The following CTCF variants were observed in gnomAD, a reference collection of about 807,000 sequenced individuals.
The protein encoded by CTCF is transcriptional repressor CTCF.
In CTCF, 7 loss-of-function variants were observed where a neutral mutation model predicts 72.3. The ratio of observed to expected loss-of-function variants is 0.10; its 90% confidence interval spans 0.06 to 0.18. CTCF has a LOEUF of 0.18. Ranked by LOEUF, CTCF falls within the 10% of genes least tolerant of loss-of-function variation. CTCF has a pLI of 1.00. For synonymous variants in CTCF, 374 were observed against 315.8 expected, an observed-to-expected ratio of 1.18 and a Z score of -1.95; for missense variants, 516 against 949.1, an observed-to-expected ratio of 0.54 and a Z score of 6.00.
intron 2 of CTCF, among the ~76,000 whole-genome samples, chr16:67,588,963 T>C (rs1597693714): frequency 1.3e-5 from 2 of 151,930 alleles, no homozygotes; most frequent in Admixed American, 6.6e-5. Context: ...CATGCTGGGA[T>C]TACAGGCGTG....
intron 1 of CTCF, among the ~76,000 whole-genome samples, chr16:67,567,247 G>A (rs1301261448): frequency 6.6e-6 from 1 of 152,146 alleles, no homozygotes; most frequent in East Asian, 1.9e-4. Context: ...CAAAGTTGTG[G>A]CATTGCATAT....
At chr16:67,616,418 C>T (rs936513968) in intron 4 of CTCF, 1 of 221,606 alleles carries the variant, frequency 4.5e-6, no homozygotes, top group South Asian at 7.9e-5. Flanking sequence ...GCCACCAAGC[C>T]CGGTCTCTAT....
chr16:67,629,468 C>T lies in CTCF; in HGVS notation c.1772C>T (p.Thr591Met), dbSNP rs139828150. ...DGVEGENGGE[T>M]KKSKRGRKRK... ...GTAGAGGGGGAAAATGGAGGAGAAA[C>T]GAAGAAGAGTAAACGTGGAAGAAAA... The change falls in exon 10 of 12, where the codon ACG becomes ATG. Residue 591 changes from threonine (T) to methionine (M), a missense_variant. This residue lies in a region of CTCF where 157 missense variants were observed against 172.9 expected (regional missense o/e 0.91). Coordinates refer to ENST00000264010, the MANE Select transcript of CTCF (RefSeq NM_006565.4). 26 of 1,612,456 alleles carry T rather than the reference C, an allele frequency of 1.6e-5. 1 individual carries two copies. Among genetic ancestry groups the T allele is most frequent in the African/African-American group, 2.7e-5 (2 of 74,672 alleles).
intron 4 of CTCF, among the ~76,000 whole-genome samples, chr16:67,613,436 A>G (rs2052086832): frequency 6.6e-6 from 1 of 152,118 alleles, no homozygotes; most frequent in Admixed American, 6.6e-5. Context: ...CCTAATTTCT[A>G]CTCAGACACT....
In CTCF at chr16:67,611,475, A is replaced by G. The variant is rs749044800; in HGVS notation, c.643A>G (p.Thr215Ala). ...KKTKKSKLRY[T>A]EEGKDVDVSV... ...AACCAAAAAGAGCAAACTGCGTTAT[A>G]CAGAGGAGGGCAAAGATGTAGATGT... is the stretch of plus-strand genomic sequence containing the variant. Residue 215 changes from threonine to alanine, a missense_variant, in exon 3 of 12, where the codon ACA (threonine) becomes GCA (alanine). By Grantham distance (58) the Thr-to-Ala change is moderately conservative. This residue lies in a region of CTCF where 53 missense variants were observed against 63.6 expected (regional missense o/e 0.83). Coordinates refer to ENST00000264010, the MANE Select transcript of CTCF (RefSeq NM_006565.4). 1.3e-5 allele frequency: 21 copies of G among 1,614,080 alleles called. No homozygotes were observed. The highest frequency in any genetic ancestry group is 1.8e-5 in the Non-Finnish European group (21 of 1,180,044).
intron 2 of CTCF, among the ~76,000 whole-genome samples, chr16:67,579,007 C>A (rs752069343): frequency 6.6e-6 from 1 of 151,658 alleles, no homozygotes; most frequent in East Asian, 2.0e-4. Context: ...GTAATCCCAG[C>A]ACTTTGGGAG....
At chr16:67,567,494 A>G (rs758047842) in intron 1 of CTCF, among the ~76,000 whole-genome samples, 1 of 152,226 alleles carries the variant, frequency 6.6e-6, no homozygotes, top group African/African-American at 2.4e-5. Context: ...TCATCTAAGT[A>G]TTAGTGAGTT....
chr16:67,620,503 C>G (rs1282703228), intron 5 of CTCF, among the ~76,000 whole-genome samples, 194 bp from the exon 6 acceptor site: 1 of 152,120 alleles, frequency 6.6e-6, no homozygotes, highest in Non-Finnish European at 1.5e-5. Flanking sequence ...TATTCATTTA[C>G]CCACTTCTCT....
chr16:67,631,246 A>C (rs1414385577), intron 10 of CTCF, among the ~76,000 whole-genome samples: 3 of 147,312 alleles, frequency 2.0e-5, no homozygotes, highest in Admixed American at 2.0e-4. Context: ...GCTCACTGCA[A>C]CCTCCACCTT....
At chr16:67,574,280 C>T (rs1441656833) in intron 2 of CTCF, among the ~76,000 whole-genome samples, 1 of 152,140 alleles carries the variant, frequency 6.6e-6, no homozygotes, top group African/African-American at 2.4e-5. Context: ...CATTAGTTTG[C>T]TAAAGCAGTT....
chr16:67,621,635 G>T, intron 7 of CTCF, 44 bp downstream of exon 7: 1 of 1,452,208 alleles, frequency 6.9e-7, no homozygotes, highest in Non-Finnish European at 9.5e-7. Context: ...TATTTTGAAG[G>T]ATTTATATTT....
rs1405456959 is a variant in CTCF at position 67,638,360 on chromosome 16, C to T, written c.*488C>T. 12 of 226,164 alleles carry T rather than the reference C, an allele frequency of 5.3e-5. No individual in the cohort carries two copies. Among genetic ancestry groups the T allele is most frequent in the East Asian group, 5.1e-4 (8 of 15,582 alleles). 14.0% of individuals were successfully genotyped at this position (226,164 alleles called of 1,614,324 possible). A position where few individuals can be genotyped will look rare whatever the true frequency, so the allele number is the denominator to read the frequency against. ...TGCACACCAGTAGTATGGCATGCTA[C>T]GATCAGGTTCTGTCCTGAAAGCTTT... On this transcript the variant is annotated 3_prime_UTR_variant, in exon 12 of 12. Coordinates refer to ENST00000264010, the MANE Select transcript of CTCF (RefSeq NM_006565.4).
intron 3 of CTCF, 57 bp downstream of exon 3, chr16:67,611,670 C>A: frequency 6.8e-7 from 1 of 1,473,132 alleles, no homozygotes; most frequent in Non-Finnish European, 9.3e-7. Flanking sequence ...AAGCATACAA[C>A]ACAGTGCATA....
intron 4 of CTCF, among the ~76,000 whole-genome samples, chr16:67,613,651 C>T (rs1223648782): frequency 6.6e-6 from 1 of 152,164 alleles, no homozygotes; most frequent in Non-Finnish European, 1.5e-5. Flanking sequence ...TGGCACACGC[C>T]TGTAAACCCA....
chr16:67,626,809 A>G (rs923175423), intron 8 of CTCF, 94 bp downstream of exon 8: 16 of 933,984 alleles, frequency 1.7e-5, no homozygotes, highest in Middle Eastern at 3.5e-4. Flanking sequence ...GTTTTTAAAG[A>G]TAGTATTTTC....
intron 2 of CTCF, among the ~76,000 whole-genome samples, chr16:67,602,818 G>A (rs1219023407): frequency 7.0e-6 from 1 of 142,594 alleles, no homozygotes; most frequent in East Asian, 2.0e-4. Context: ...TCCAGCCTAG[G>A]CAACAAGAGT....
intron 2 of CTCF, among the ~76,000 whole-genome samples, chr16:67,598,101 AGGTAGCTGGGAC>A (rs1440609063): frequency 6.6e-6 from 1 of 152,018 alleles, no homozygotes; most frequent in Non-Finnish European, 1.5e-5. Context: ...CTTAGCCTCC[AGGTAGCTGGGAC>A]TACAGGCATA....
chr16:67,591,832 C>T (rs1287786170), intron 2 of CTCF, among the ~76,000 whole-genome samples: 1 of 151,974 alleles, frequency 6.6e-6, no homozygotes, highest in Admixed American at 6.6e-5. Context: ...CGCCTCAGTC[C>T]CGAGTAGCTG....
At chr16:67,589,021 A>G (rs1487291554) in intron 2 of CTCF, among the ~76,000 whole-genome samples, 1 of 152,030 alleles carries the variant, frequency 6.6e-6, no homozygotes, top group Non-Finnish European at 1.5e-5. Flanking sequence ...CCTGGGTGTA[A>G]TGGCTCATGC....
Sources: allele counts gnomAD v4.1 joint callset (sites outside exome capture counted in the v4.1 genomes callset), GRCh38; gene constraint gnomAD v4.1.1; regional missense constraint gnomAD v4.1.1; transcripts MANE v1.5; gene names NCBI Gene and HGNC (gene_info 2026-07-23, HGNC 2026-07-21).